CDC123: variants seen among roughly 807,000 people sequenced by gnomAD.
CDC123 encodes cell division cycle 123, also known as translation initiation factor eIF2 assembly protein.
A neutral mutation model predicts 54.4 loss-of-function variants in CDC123; 37 were observed. The ratio of observed to expected loss-of-function variants is 0.68; its 90% CI spans 0.52 to 0.89. The LOEUF is 0.89. Among genes scored for constraint, CDC123 ranks in the 40% least tolerant of loss-of-function variants. The pLI, the probability that CDC123 is intolerant of heterozygous loss-of-function variation, is 0.00. For missense variants in CDC123, 361 were observed against 412.1 expected (o/e 0.88, Z 1.07); for synonymous variants, 144 against 136.8 (o/e 1.05, Z -0.37).
intron 8 of CDC123, among the ~76,000 whole-genome samples, chr10:12,235,844 T>C (rs1588681219): frequency 6.6e-6 from 1 of 152,210 alleles, no homozygotes; most frequent in South Asian, 2.1e-4. Flanking sequence ...GCAGTGTAAG[T>C]ACTCTAAAGC....
At chr10:12,238,552 C>A in intron 10 of CDC123, 67 bp downstream of exon 10, 1 of 1,563,380 alleles carries the variant, frequency 6.4e-7, no homozygotes, top group South Asian at 1.2e-5. Flanking sequence ...CAGAGCATGC[C>A]TTTGTTATGT....
chr10:12,233,444 TC>T (rs2131756516), intron 7 of CDC123, among the ~76,000 whole-genome samples: 1 of 152,292 alleles, frequency 6.6e-6, no homozygotes, highest in Non-Finnish European at 1.5e-5. Flanking sequence ...ACACTCCCTA[TC>T]CCCTTCTGTG....
chr10:12,198,906 T>C, intron 2 of CDC123, 130 bp downstream of exon 2: 1 of 612,158 alleles, frequency 1.6e-6, no homozygotes, highest in Non-Finnish European at 2.9e-6. Flanking sequence ...GTGCTGATCT[T>C]TGTCTCATAT....
Position 12,246,137 on chromosome 10 carries a change from T to A in CDC123, c.718-12T>A. The A allele has an allele frequency of 6.2e-7, 1 of 1,608,490 alleles. No individual in the cohort carries two copies. The highest frequency in any genetic ancestry group is 8.5e-7 in the Non-Finnish European group (1 of 1,177,696). On this transcript the variant is annotated splice_polypyrimidine_tract_variant and intron_variant, in intron 10 of 12. Coordinates refer to ENST00000281141, the MANE Select transcript of CDC123 (RefSeq NM_006023.3). ...GATGTTTGTTTTTGTTTTTTCTCTC[T>A]CTGTGCTACAGGGGAAGGTGTGGCT... is the stretch of plus-strand genomic sequence containing the variant.
intron 6 of CDC123, among the ~76,000 whole-genome samples, chr10:12,220,861 T>C (rs375244225): frequency 2.0e-5 from 3 of 151,850 alleles, no homozygotes; most frequent in South Asian, 2.1e-4. Flanking sequence ...CCTGCAGTCC[T>C]AGCTACTCGG....
At chr10:12,197,509 T>G (rs1342176353) in intron 1 of CDC123, among the ~76,000 whole-genome samples, 1 of 151,260 alleles carries the variant, frequency 6.6e-6, no homozygotes. Flanking sequence ...CCTGAGTAGC[T>G]GGGACTACAG....
intron 8 of CDC123, among the ~76,000 whole-genome samples, 192 bp downstream of exon 8, chr10:12,235,315 C>T (rs975425121): frequency 9.2e-5 from 14 of 152,198 alleles, no homozygotes; most frequent in African/African-American, 3.4e-4. Flanking sequence ...CCCAGAGTCA[C>T]TTGCCGCAGG....
In CDC123 at chr10:12,234,526, C is replaced by G. The variant is rs567570428; in HGVS notation, c.490-522C>G. ...GAGCCTCCGCACCTGGCTGGAATTA[C>G]TTTATTATTTGATATTCCTCAAGGG... On this transcript the variant is annotated intron_variant, in intron 7 of 12. Transcript: ENST00000281141. 2.8e-4 allele frequency among the ~76,000 whole-genome samples: 43 copies of G among 152,136 alleles called. 1 individual carries two copies. The South Asian group carries it at 8.7e-3, about 31-fold the overall frequency.
intron 10 of CDC123, 67 bp from the exon 11 acceptor site, chr10:12,246,082 T>C (rs1220881982): frequency 1.3e-6 from 2 of 1,532,706 alleles, no homozygotes; most frequent in Admixed American, 1.8e-5. Context: ...AATAAAAAAG[T>C]GTTTCTTTCT....
At chr10:12,243,127 A>G (rs1836082299) in intron 10 of CDC123, among the ~76,000 whole-genome samples, 1 of 118,750 alleles carries the variant, frequency 8.4e-6, no homozygotes, top group Admixed American at 9.4e-5. Flanking sequence ...GGCTGGGTAC[A>G]GTGGCTCACG....
chr10:12,237,110 TATA>T, intron 8 of CDC123, 31 bp from the exon 9 acceptor site: 2 of 1,504,734 alleles, frequency 1.3e-6, no homozygotes, highest in Non-Finnish European at 1.8e-6. Context: ...AAGAATATTG[TATA>T]ATAACAGGAT....
At chr10:12,233,064 A>G (rs1835924177) in intron 7 of CDC123, among the ~76,000 whole-genome samples, 1 of 152,148 alleles carries the variant, frequency 6.6e-6, no homozygotes, top group African/African-American at 2.4e-5. Context: ...TCTGAGGCAC[A>G]GTCTTTCTTA....
chr10:12,201,523 A>G (rs1835439222), intron 2 of CDC123, among the ~76,000 whole-genome samples: 1 of 152,182 alleles, frequency 6.6e-6, no homozygotes. Flanking sequence ...AACAGCATTA[A>G]TGAAGGCTCT....
chr10:12,210,912 G>T (rs1412123728), intron 4 of CDC123, among the ~76,000 whole-genome samples: 1 of 152,032 alleles, frequency 6.6e-6, no homozygotes, highest in Admixed American at 6.6e-5. Context: ...TGTTAGCCAT[G>T]GTAGTCTCGA....
chr10:12,223,759 A>G (rs546036296), intron 6 of CDC123, among the ~76,000 whole-genome samples: 2 of 151,206 alleles, frequency 1.3e-5, no homozygotes, highest in East Asian at 3.9e-4. Context: ...CACTCCTTTT[A>G]TTTTTTTTTG....
intron 4 of CDC123, among the ~76,000 whole-genome samples, chr10:12,213,094 T>C (rs564366470): frequency 4.6e-5 from 7 of 152,344 alleles, no homozygotes; most frequent in African/African-American, 1.7e-4. Flanking sequence ...TTGGCAACCA[T>C]TGTAATAATA....
In CDC123 at chr10:12,248,067, T is replaced by C. The variant is rs117338050; in HGVS notation, c.847-1514T>C. Among the ~76,000 whole-genome samples, 151 of 151,864 alleles carry C rather than the reference T, an allele frequency of 9.9e-4. 2 individuals are homozygous for C. In the East Asian group the frequency reaches 0.026, roughly 26 times the overall value. On this transcript the variant is annotated intron_variant, in intron 11 of 12. Transcript: ENST00000281141. ...TAAAATCACTTATGATTTGAGAACC[T>C]TGAGAACCAGTGTTTATATTTTGAT...
At chr10:12,207,137 T>C (rs1835533859) in intron 2 of CDC123, among the ~76,000 whole-genome samples, 1 of 152,140 alleles carries the variant, frequency 6.6e-6, no homozygotes, top group Non-Finnish European at 1.5e-5. Context: ...ATTTCTTGCT[T>C]CTCTTTCTGG....
intron 6 of CDC123, among the ~76,000 whole-genome samples, chr10:12,228,823 G>C (rs2131751767): frequency 6.6e-6 from 1 of 152,308 alleles, no homozygotes; most frequent in South Asian, 2.1e-4. Context: ...GCCCGCCTCG[G>C]CCTCCCAAAG....
Sources: gnomAD v4.1 joint callset for allele counts (sites outside exome capture counted in the v4.1 genomes callset) on GRCh38, gnomAD v4.1.1 for gene constraint, MANE v1.5 for transcripts, NCBI Gene and HGNC (gene_info 2026-07-23, HGNC 2026-07-21) for gene names.